POTEC: variants seen among roughly 807,000 people sequenced by gnomAD.
The protein encoded by POTEC is ANKRD26-like family B member 2.
Under a neutral mutation model 62.0 loss-of-function variants are expected in POTEC, and 35 were observed. That is an observed-to-expected ratio of 0.56 (90% CI 0.43 to 0.75). The LOEUF is 0.75. Ranked by LOEUF, POTEC falls within the 30% of genes least tolerant of loss-of-function variation. POTEC has a pLI of 0.00. For missense variants in POTEC, 472 were observed against 655.9 expected (o/e 0.72, Z 3.06); for synonymous variants, 156 against 221.5 (o/e 0.70, Z 2.62).
intron 9 of POTEC, among the ~76,000 whole-genome samples, chr18:14,518,187 C>A (rs1043390253): frequency 6.6e-6 from 1 of 152,100 alleles, no homozygotes; most frequent in African/African-American, 2.4e-5. Context: ...ATATGCTAGG[C>A]CTTTTTCTAG....
chr18:14,527,345 G>A (rs1337725262), intron 6 of POTEC, among the ~76,000 whole-genome samples: 2 of 152,040 alleles, frequency 1.3e-5, no homozygotes, highest in African/African-American at 2.4e-5. Context: ...CTGCAAGAGG[G>A]GAAAAACACA....
intron 1 of POTEC, among the ~76,000 whole-genome samples, chr18:14,540,002 T>C (rs977712070): frequency 1.3e-5 from 2 of 152,186 alleles, no homozygotes; most frequent in African/African-American, 4.8e-5. Context: ...AAAAGAAAAC[T>C]CCTGTTGAGT....
intron 9 of POTEC, among the ~76,000 whole-genome samples, chr18:14,519,439 G>A (rs11872687): frequency 1.8e-4 from 27 of 152,214 alleles, no homozygotes; most frequent in East Asian, 9.7e-4. Context: ...ATGAGGGGCC[G>A]GGTGCAGTGG....
chr18:14,542,500 T>G (rs1905971006), intron 1 of POTEC, 126 bp downstream of exon 1: 1 of 1,458,572 alleles, frequency 6.9e-7, no homozygotes, highest in Non-Finnish European at 9.3e-7. Flanking sequence ...CTCTGAGGTT[T>G]CCACACCCAG....
At chr18:14,516,661 A>T (rs1172609056) in intron 9 of POTEC, among the ~76,000 whole-genome samples, 1 of 41,754 alleles carries the variant, frequency 2.4e-5, no homozygotes. Flanking sequence ...AAGCCAAACT[A>T]CTGGGGGGGG....
chr18:14,524,959 T>A lies in POTEC; in HGVS notation c.1151A>T (p.Glu384Val), dbSNP rs770937449. 2.4e-5 allele frequency: 39 copies of A among 1,604,204 alleles called. No individual in the cohort carries two copies. In the South Asian group the frequency reaches 3.8e-4, roughly 16 times the overall value. Residue 384 changes from glutamate (E) to valine (V), a missense_variant, in exon 7 of 11, where the codon GAG (glutamate) becomes GTG (valine). Glu to Val is a moderately radical substitution (Grantham distance 121, BLOSUM62 -2). Transcript: ENST00000358970. ...GACTTTAAGCCTTTGTGACTCTTCC[T>A]CTGATGTTAGCTTTAAGTCTTGTTC... ...NPEQDLKLTS[E>V]EESQRLKVSE... is the part of the protein sequence containing the mutation.
rs150119779 is a variant in POTEC, at chr18:14,526,314, T to C, written c.1127-1331A>G. On this transcript the variant is annotated intron_variant, in intron 6 of 10. Coordinates refer to ENST00000358970, the MANE Select transcript of POTEC (RefSeq NM_001137671.2). ...AGCCTTAGGACCTCACTGATTTTTC[T>C]ACTGCACCTTTACCACCTGAACTGT... 8.3e-3 allele frequency among the ~76,000 whole-genome samples: 1,263 copies of C among 152,256 alleles called. 17 individuals are homozygous for C. The highest frequency in any genetic ancestry group is 0.041 in the South Asian group (196 of 4,832).
chr18:14,538,698 C>T (rs1485513275), intron 1 of POTEC, among the ~76,000 whole-genome samples: 2 of 152,030 alleles, frequency 1.3e-5, no homozygotes, highest in African/African-American at 4.8e-5. Context: ...CCACTAAAGA[C>T]AACATTTGAA....
At chr18:14,540,251 A>C (rs1206794028) in intron 1 of POTEC, among the ~76,000 whole-genome samples, 1 of 152,164 alleles carries the variant, frequency 6.6e-6, no homozygotes, top group East Asian at 1.9e-4. Flanking sequence ...CAGGTATAAA[A>C]ATAAATAATA....
chr18:14,542,637 G>A lies in POTEC; in HGVS notation c.510C>T (p.Asp170=), dbSNP rs1362470433. 1 of 1,612,258 alleles carries A rather than the reference G, an allele frequency of 6.2e-7. No homozygotes were observed. Among genetic ancestry groups the A allele is most frequent in the Non-Finnish European group, 8.5e-7 (1 of 1,179,940 alleles). ...CCAGGCCCAGTTACCTCTTTTGCTT[G>A]TCCCTCTTGTTCATGTCCGTGTCCC... ...MLRDTDMNKR[D]KQKRTALHLA... Residue 170 remains aspartate (D), a synonymous_variant, in exon 1 of 11, where the codon GAC becomes GAT. Coordinates refer to ENST00000358970, the MANE Select transcript of POTEC (RefSeq NM_001137671.2).
At chr18:14,526,337 T>C (rs1295058120) in intron 6 of POTEC, among the ~76,000 whole-genome samples, 1 of 152,128 alleles carries the variant, frequency 6.6e-6, no homozygotes, top group Non-Finnish European at 1.5e-5. Flanking sequence ...CCACCTGAAC[T>C]GTACATTATT....
Position 14,508,091 on chromosome 18 carries a change from C to T in POTEC, c.*3807G>A, listed in dbSNP as rs1909894176. Reference sequence around the variant, plus strand: ...ATCTTACTGAGGTTCTCTGGATTTCCTGAAGTTGAATGTTGGCCTGTCTGG... The same window carrying T: ...ATCTTACTGAGGTTCTCTGGATTTCTTGAAGTTGAATGTTGGCCTGTCTGG... On this transcript the variant is annotated 3_prime_UTR_variant, in exon 11 of 11. Coordinates refer to ENST00000358970, the MANE Select transcript of POTEC (RefSeq NM_001137671.2). 1 of 152,088 alleles carries T rather than the reference C, an allele frequency of 6.6e-6. No individual in the cohort carries two copies. Among genetic ancestry groups the T allele is most frequent in the Non-Finnish European group, 1.5e-5 (1 of 68,036 alleles). The allele number at this position is 152,088 out of a possible 1,614,324, so 9.4% of individuals were successfully genotyped here. A position where few individuals can be genotyped will look rare whatever the true frequency, so the allele number is the denominator to read the frequency against.
rs1909891954 is a variant in POTEC, at chr18:14,508,034, T to C, written c.*3864A>G. 6.6e-6 allele frequency: 1 copy of C among 152,182 alleles called. No individual in the cohort carries two copies. 9.4% of individuals were successfully genotyped at this position (152,182 alleles called of 1,614,324 possible). On this transcript the variant is annotated 3_prime_UTR_variant, in exon 11 of 11. Coordinates refer to ENST00000358970, the MANE Select transcript of POTEC (RefSeq NM_001137671.2). ...TTTTGACCTCAGAGAATCTGATGAT[T>C]ATGTGTCTTGGGGATGATCTTCTCA...
At chr18:14,524,662 T>C (rs1910391141) in intron 7 of POTEC, among the ~76,000 whole-genome samples, 1 of 152,034 alleles carries the variant, frequency 6.6e-6, no homozygotes, top group South Asian at 2.1e-4. Context: ...TAAGAGTATT[T>C]TAAATTTTAT....
At position 14,543,089 on chromosome 18, in the gene POTEC, G is replaced by A; in HGVS notation, c.58C>T (p.Leu20Phe). 1 of 1,613,974 alleles carries A rather than the reference G, an allele frequency of 6.2e-7. No homozygotes were observed. The highest frequency in any genetic ancestry group is 8.5e-7 in the Non-Finnish European group (1 of 1,179,888). ...AACCACTTGCCCATCTTGCTCCTGA[G>A]ATCGAATGGCTTCTTCACAGCAGAG... ...AASAVKKPFDLRSKMGKWFHH... is the reference protein window; with the variant it reads ...AASAVKKPFDFRSKMGKWFHH... Residue 20 changes from leucine to phenylalanine, a missense_variant, in exon 1 of 11, where the codon CTC becomes TTC. This residue lies in a region of POTEC where 257 missense variants were observed against 250.7 expected (regional missense o/e 1.03). Coordinates refer to ENST00000358970, the MANE Select transcript of POTEC (RefSeq NM_001137671.2).
chr18:14,524,465 T>A (rs1219767652), intron 7 of POTEC, among the ~76,000 whole-genome samples: 1 of 152,154 alleles, frequency 6.6e-6, no homozygotes. Flanking sequence ...TGTTACATTG[T>A]TCATAGTTCT....
intron 9 of POTEC, among the ~76,000 whole-genome samples, chr18:14,515,877 C>A (rs995228432): frequency 6.6e-6 from 1 of 151,744 alleles, no homozygotes; most frequent in African/African-American, 2.4e-5. Flanking sequence ...CATGAATAGA[C>A]ATTGCTCAAA....
In POTEC at chr18:14,509,750, C is replaced by A. The variant is rs1909948720; in HGVS notation, c.*2148G>T. Reference sequence around the variant, plus strand: ...CTAAGGGGTGCTGAGGTCAGACCAGCCCCATCTCATGTGCAAGACTGCCCA... The same window carrying A: ...CTAAGGGGTGCTGAGGTCAGACCAGACCCATCTCATGTGCAAGACTGCCCA... On this transcript the variant is annotated 3_prime_UTR_variant, in exon 11 of 11. Coordinates refer to ENST00000358970, the MANE Select transcript of POTEC (RefSeq NM_001137671.2). 7.0e-6 allele frequency: 1 copy of A among 143,360 alleles called. No individual in the cohort carries two copies. Among genetic ancestry groups the A allele is most frequent in the Non-Finnish European group, 1.5e-5 (1 of 65,632 alleles). The allele number at this position is 143,360 out of a possible 1,614,324, so 8.9% of individuals were successfully genotyped here. A position where few individuals can be genotyped will look rare whatever the true frequency, so the allele number is the denominator to read the frequency against.
chr18:14,539,998 A>G (rs1467586152), intron 1 of POTEC, among the ~76,000 whole-genome samples: 5 of 152,208 alleles, frequency 3.3e-5, no homozygotes, highest in African/African-American at 1.2e-4. Context: ...TTTTAAAAGA[A>G]AACTCCTGTT....
Sources: gnomAD v4.1 joint callset for allele counts (sites outside exome capture counted in the v4.1 genomes callset) on GRCh38, gnomAD v4.1.1 for gene constraint, gnomAD v4.1.1 regional missense constraint, MANE v1.5 for transcripts, NCBI Gene and HGNC (gene_info 2026-07-23, HGNC 2026-07-21) for gene names.